Variants in SLC26A5 observed in about 807,000 individuals in gnomAD.
The protein encoded by SLC26A5 is prestin.
In SLC26A5, 51 loss-of-function variants were observed where a neutral mutation model predicts 81.0. That is an observed-to-expected ratio of 0.63 (90% CI 0.50 to 0.80). SLC26A5 has a LOEUF of 0.80. SLC26A5 is among the 30% of genes least tolerant of loss of function. SLC26A5 has a pLI of 0.00. For synonymous variants in SLC26A5, 325 were observed against 332.8 expected, an observed-to-expected ratio of 0.98 and a Z score of 0.25; for missense variants, 771 against 905.8, an observed-to-expected ratio of 0.85 and a Z score of 1.91.
At chr7:103,397,457 C>T (rs1823217518) in intron 9 of SLC26A5, among the ~76,000 whole-genome samples, 1 of 143,556 alleles carries the variant, frequency 7.0e-6, no homozygotes, top group South Asian at 2.2e-4. Flanking sequence ...AGGAGAATGG[C>T]ATGAACCCAG....
chr7:103,428,088 G>A (rs1825824710), intron 2 of SLC26A5, among the ~76,000 whole-genome samples: 1 of 152,022 alleles, frequency 6.6e-6, no homozygotes, highest in Admixed American at 6.6e-5. Flanking sequence ...CTTGACCTCA[G>A]GTGATCTGCC....
chr7:103,420,376 G>C (rs548576620), intron 4 of SLC26A5, among the ~76,000 whole-genome samples: 1 of 141,006 alleles, frequency 7.1e-6, no homozygotes, highest in South Asian at 2.3e-4. Context: ...GCTCATTACA[G>C]CCTTGAACTT....
chr7:103,359,391 G>C (rs984272186), intron 19 of SLC26A5, among the ~76,000 whole-genome samples: 3 of 151,892 alleles, frequency 2.0e-5, no homozygotes, highest in African/African-American at 7.3e-5. Flanking sequence ...GTGATTTTTA[G>C]AATATCTAGA....
intron 14 of SLC26A5, among the ~76,000 whole-genome samples, chr7:103,387,715 C>T (rs1171563775): frequency 6.6e-6 from 1 of 151,970 alleles, no homozygotes; most frequent in Non-Finnish European, 1.5e-5. Context: ...GAGTTTTGCT[C>T]TTGTTGCCCA....
chr7:103,410,561 T>G lies in SLC26A5; in HGVS notation c.571-12A>C. 1 of 1,600,036 alleles carries G rather than the reference T, an allele frequency of 6.2e-7. No individual in the cohort carries two copies. The highest frequency in any genetic ancestry group is 8.5e-7 in the Non-Finnish European group (1 of 1,171,984). On this transcript the variant is annotated splice_polypyrimidine_tract_variant and intron_variant, in intron 6 of 19. Transcript: ENST00000306312. ...ACACCTAGGCAAAACTATTTTTTTT[T>G]AATGACAAAGAAACAAATGAATCAC...
intron 8 of SLC26A5, among the ~76,000 whole-genome samples, chr7:103,404,934 T>C (rs1380486681): frequency 6.6e-6 from 1 of 152,150 alleles, no homozygotes; most frequent in African/African-American, 2.4e-5. Flanking sequence ...TTTCATTAAG[T>C]TGATCTTCAA....
At chr7:103,362,893 A>G in intron 19 of SLC26A5, 1 of 652,218 alleles carries the variant, frequency 1.5e-6, no homozygotes, top group Non-Finnish European at 2.6e-6. Flanking sequence ...TCCCGGGTTC[A>G]AGCAATTCTC....
intron 4 of SLC26A5, among the ~76,000 whole-genome samples, chr7:103,419,787 C>T (rs964008516): frequency 2.6e-5 from 4 of 152,142 alleles, no homozygotes; most frequent in African/African-American, 9.7e-5. Flanking sequence ...ATCCACCCAC[C>T]TCAGCCTTCC....
At chr7:103,353,990 T>A in intron 19 of SLC26A5, 3 of 1,488,062 alleles carry the variant, frequency 2.0e-6, no homozygotes, top group Non-Finnish European at 2.7e-6. Context: ...AAACTATAGA[T>A]GTTTTATGTT....
intron 8 of SLC26A5, among the ~76,000 whole-genome samples, chr7:103,400,146 ACT>A: frequency 6.6e-6 from 1 of 152,124 alleles, no homozygotes; most frequent in South Asian, 2.1e-4. Flanking sequence ...GAATCACCAC[ACT>A]GTCTTCCACA....
At chr7:103,362,794 C>CT (rs368268286) in intron 19 of SLC26A5, 61,489 of 831,696 alleles carry the variant, frequency 0.074, 44 homozygotes, top group East Asian at 0.098. Flanking sequence ...AAGGCTATGT[C>CT]TTTTTTTTTT....
At position 103,390,526 on chromosome 7, in the gene SLC26A5, T is replaced by C; in HGVS notation, c.1234-20A>G. ...TGCAAGCTGAATGAGAGAAGACACA[T>C]GGAAGGGGCTTTTAGGAGACTTGAA... On this transcript the variant is annotated intron_variant, in intron 11 of 19. Coordinates refer to ENST00000306312, the MANE Select transcript of SLC26A5 (RefSeq NM_198999.3). The C allele has an allele frequency of 6.2e-7, 1 of 1,606,700 alleles. No individual in the cohort carries two copies.
At chr7:103,434,043 C>T (rs970706047) in intron 2 of SLC26A5, among the ~76,000 whole-genome samples, 1 of 152,136 alleles carries the variant, frequency 6.6e-6, no homozygotes, top group Non-Finnish European at 1.5e-5. Flanking sequence ...TGTCAACCTA[C>T]AGTTTATTTC....
intron 8 of SLC26A5, among the ~76,000 whole-genome samples, chr7:103,403,379 A>G (rs940164341): frequency 1.3e-5 from 2 of 152,194 alleles, no homozygotes; most frequent in African/African-American, 2.4e-5. Context: ...GTAGATGTCT[A>G]TTAGGTTTGC....
chr7:103,393,111 A>G, intron 9 of SLC26A5, 45 bp from the exon 10 acceptor site: 1 of 1,611,924 alleles, frequency 6.2e-7, no homozygotes, highest in Non-Finnish European at 8.5e-7. Context: ...ACCACAAGGG[A>G]AAAGAAAAAA....
chr7:103,367,319 A>G lies in SLC26A5; in HGVS notation c.2041+9489T>C. The G allele has an allele frequency of 8.5e-7, 1 of 1,173,100 alleles. No homozygotes were observed. The allele number at this position is 1,173,100 out of a possible 1,614,324, so 72.7% of individuals were successfully genotyped here. On this transcript the variant is annotated intron_variant, in intron 19 of 19. Transcript: ENST00000339444. The surrounding 1 kb of genome is among the most constrained non-coding windows in gnomAD (Gnocchi z 6.1). ...TGGGATGTCACTTGTGCCTGAGGAC[A>G]TGATTTGAGCTGAGATTTTTGGTAC... is the stretch of plus-strand genomic sequence containing the variant.
chr7:103,411,600 G>A lies in SLC26A5; in HGVS notation c.404-14C>T, dbSNP rs1386676735. On this transcript the variant is annotated splice_polypyrimidine_tract_variant and intron_variant, in intron 5 of 19. Transcript: ENST00000306312. Reference sequence around the variant, plus strand: ...CAGCAAAAGGACCTGAAATAATGAAGCATGAAGATCCCTGTTCAGGGTTCA... The same window carrying A: ...CAGCAAAAGGACCTGAAATAATGAAACATGAAGATCCCTGTTCAGGGTTCA... 6.2e-7 allele frequency: 1 copy of A among 1,613,970 alleles called. No individual in the cohort carries two copies. Among genetic ancestry groups the A allele is most frequent in the East Asian group, 2.2e-5 (1 of 44,862 alleles).
chr7:103,418,913 C>T (rs960744053), intron 4 of SLC26A5, among the ~76,000 whole-genome samples: 13 of 152,234 alleles, frequency 8.5e-5, no homozygotes, highest in East Asian at 3.9e-4. Context: ...TGTGTCCCTA[C>T]GCAAATCTCA....
intron 8 of SLC26A5, among the ~76,000 whole-genome samples, chr7:103,403,875 AT>A (rs1823810360): frequency 6.6e-6 from 1 of 152,074 alleles, no homozygotes; most frequent in Non-Finnish European, 1.5e-5. Context: ...GCCCTCTTAC[AT>A]TTAAGGTTAA....
Sources: gnomAD v4.1 joint callset for allele counts (sites outside exome capture counted in the v4.1 genomes callset) on GRCh38, gnomAD v4.1.1 for gene constraint, Gnocchi (gnomAD v3.1) non-coding constraint, MANE v1.5 for transcripts, NCBI Gene and HGNC (gene_info 2026-07-23, HGNC 2026-07-21) for gene names.